Variants in TRIOBP observed in about 807,000 individuals in gnomAD.
TRIOBP encodes TRIO and F-actin binding protein.
In TRIOBP, 169 loss-of-function variants were observed where a neutral mutation model predicts 238.8. The observed-to-expected ratio is 0.71, with a 90% confidence interval of 0.62 to 0.80. The LOEUF is 0.80. TRIOBP is among the 30% of genes least tolerant of loss of function. The pLI, the probability that TRIOBP is intolerant of heterozygous loss-of-function variation, is 0.00. For synonymous variants in TRIOBP, 1,150 were observed against 1,274.4 expected (o/e 0.90, Z 2.08); for missense variants, 2,838 against 3,122.6 (o/e 0.91, Z 2.17).
intron 11 of TRIOBP, among the ~76,000 whole-genome samples, chr22:37,743,226 T>C (rs537357133): frequency 3.3e-5 from 5 of 152,318 alleles, no homozygotes; most frequent in African/African-American, 9.6e-5. Context: ...ACAGAGCAGA[T>C]TTAAACTTCT....
chr22:37,764,054 T>C (rs1237998431), intron 17 of TRIOBP, among the ~76,000 whole-genome samples: 1 of 152,226 alleles, frequency 6.6e-6, no homozygotes, highest in Non-Finnish European at 1.5e-5. Context: ...CCTTGAACTC[T>C]TCGCTTCTGC....
chr22:37,721,428 G>C (rs1569039281), intron 6 of TRIOBP, among the ~76,000 whole-genome samples: 1 of 152,212 alleles, frequency 6.6e-6, no homozygotes, highest in Non-Finnish European at 1.5e-5. Flanking sequence ...GGGATCTTAA[G>C]AAGGCGTGAA....
At chr22:37,709,020 C>T (rs1252043568) in intron 3 of TRIOBP, among the ~76,000 whole-genome samples, 9 of 152,204 alleles carry the variant, frequency 5.9e-5, no homozygotes, top group Non-Finnish European at 1.3e-4. Flanking sequence ...GTGCTGTCCC[C>T]TGGGTGGCCA....
chr22:37,710,173 C>T (rs544751293), intron 3 of TRIOBP, among the ~76,000 whole-genome samples: 3 of 152,380 alleles, frequency 2.0e-5, no homozygotes, highest in Non-Finnish European at 2.9e-5. Context: ...CAATACCAGG[C>T]CTTTATCCAC....
In TRIOBP at chr22:37,733,257, GTGGGACAGTCCCTCAGAGGAGTGGC is replaced by G. The variant is rs1235688512; in HGVS notation, c.3948-38_3948-14del. The G allele has an allele frequency of 6.8e-7, 1 of 1,468,950 alleles. No individual in the cohort carries two copies. The highest frequency in any genetic ancestry group is 2.0e-5 in the Admixed American group (1 of 50,940). 91.0% of individuals were successfully genotyped at this position (1,468,950 alleles called of 1,614,324 possible). Reference sequence around the variant, plus strand: ...GAGCAGAGGGGCTGGGGTGCTGGGAGTGGGACAGTCCCTCAGAGGAGTGGCTGCATTTGCTCATAGGAAGTCCGAG... The same window carrying G: ...GAGCAGAGGGGCTGGGGTGCTGGGAGTGCATTTGCTCATAGGAAGTCCGAG... On this transcript the variant is annotated splice_polypyrimidine_tract_variant and intron_variant, in intron 7 of 23. Transcript: ENST00000644935.
intron 2 of TRIOBP, among the ~76,000 whole-genome samples, chr22:37,700,698 G>GT (rs1325710572): frequency 1.3e-5 from 2 of 151,664 alleles, no homozygotes; most frequent in African/African-American, 2.4e-5. Flanking sequence ...GCATTTTTTT[G>GT]TTTTTTGTTT....
intron 6 of TRIOBP, among the ~76,000 whole-genome samples, chr22:37,717,398 A>G (rs529472813): frequency 6.6e-6 from 1 of 152,330 alleles, no homozygotes; most frequent in South Asian, 2.1e-4. Context: ...TGGCTGGGGC[A>G]GCCTGCTTTT....
chr22:37,744,787 G>A (rs1374898333), intron 11 of TRIOBP, among the ~76,000 whole-genome samples: 2 of 152,208 alleles, frequency 1.3e-5, no homozygotes, highest in Non-Finnish European at 2.9e-5. Context: ...GAGACTCCTG[G>A]CAGCAAATGC....
At chr22:37,747,053 G>T (rs1195015647) in intron 11 of TRIOBP, among the ~76,000 whole-genome samples, 1 of 152,214 alleles carries the variant, frequency 6.6e-6, no homozygotes, top group African/African-American at 2.4e-5. Context: ...GCGAGTCTGA[G>T]TAGGGGGCAT....
chr22:37,730,312 G>T (rs998092427), intron 7 of TRIOBP, among the ~76,000 whole-genome samples: 1 of 152,172 alleles, frequency 6.6e-6, no homozygotes, highest in African/African-American at 2.4e-5. Flanking sequence ...CCAGGTCTCT[G>T]TTGGGGTTTC....
chr22:37,732,751 G>A (rs764294116), intron 7 of TRIOBP, among the ~76,000 whole-genome samples: 175 of 152,258 alleles, frequency 1.1e-3, no homozygotes, highest in Non-Finnish European at 2.2e-3. Flanking sequence ...AATGGAACAC[G>A]GGGGCACACA....
rs1481142541 is a variant in TRIOBP at position 37,724,405 on chromosome 22, A to G, written c.1849A>G (p.Asn617Asp). ...NPRASRTSSP[N>D]RATRDNPRTS... ...CAGAGCCTCCAGAACCTCCTCTCCC[A>G]ATAGAGCCACACGAGATAACCCCAG... Residue 617 changes from asparagine to aspartate, a missense_variant, in exon 7 of 24, where the codon AAT (asparagine) becomes GAT (aspartate). Transcript: ENST00000644935. The G allele has an allele frequency of 1.3e-6, 2 of 1,505,890 alleles. No individual in the cohort carries two copies. Among genetic ancestry groups the G allele is most frequent in the South Asian group, 1.3e-5 (1 of 77,378 alleles). 93.3% of individuals were successfully genotyped at this position (1,505,890 alleles called of 1,614,324 possible). A position where few individuals can be genotyped will look rare whatever the true frequency, so the allele number is the denominator to read the frequency against.
chr22:37,762,839 TC>T (rs1286831458), intron 17 of TRIOBP, among the ~76,000 whole-genome samples: 1 of 152,124 alleles, frequency 6.6e-6, no homozygotes, highest in Non-Finnish European at 1.5e-5. Flanking sequence ...TGGGTGCCCT[TC>T]CTTCAGGGGT....
At chr22:37,718,694 T>A (rs553264827) in intron 6 of TRIOBP, among the ~76,000 whole-genome samples, 2 of 151,988 alleles carry the variant, frequency 1.3e-5, no homozygotes, top group African/African-American at 4.8e-5. Context: ...ATGACTGGGC[T>A]CCTCATAGGA....
intron 10 of TRIOBP, among the ~76,000 whole-genome samples, chr22:37,740,584 C>T (rs965922515): frequency 6.6e-6 from 1 of 152,160 alleles, no homozygotes; most frequent in Non-Finnish European, 1.5e-5. Context: ...ATGTGAAATA[C>T]TCTGAAAACA....
rs1208471514 is a variant in TRIOBP, at chr22:37,725,429, A to T, written c.2873A>T (p.His958Leu). 6.2e-7 allele frequency: 1 copy of T among 1,610,672 alleles called. No individual in the cohort carries two copies. Among genetic ancestry groups the T allele is most frequent in the East Asian group, 2.2e-5 (1 of 44,812 alleles). ...QTSSPSRPAQ[H>L]DPPQSSFGPT... ...TCCTCTCCCAGCAGGCCAGCCCAGC[A>T]TGACCCACCCCAGTCCTCCTTTGGC... The change falls in exon 7 of 24, where the codon CAT (histidine) becomes CTT (leucine). Residue 958 changes from histidine to leucine, a missense_variant. Physicochemically the swap from His to Leu is moderately conservative, Grantham distance 99. This residue lies in a region of TRIOBP where 2,096 missense variants were observed against 2,137.4 expected (regional missense o/e 0.98). Coordinates refer to ENST00000644935, the MANE Select transcript of TRIOBP (RefSeq NM_001039141.3).
intron 22 of TRIOBP, 80 bp downstream of exon 22, chr22:37,771,816 C>A: frequency 1.6e-6 from 2 of 1,265,324 alleles, no homozygotes; most frequent in Non-Finnish European, 2.3e-6. Flanking sequence ...CTGCTCTGTG[C>A]CAAGCCCTCC....
At chr22:37,737,920 T>A (rs906349994) in intron 9 of TRIOBP, among the ~76,000 whole-genome samples, 7 of 152,228 alleles carry the variant, frequency 4.6e-5, no homozygotes, top group African/African-American at 1.4e-4. Context: ...CAGTTTTGCT[T>A]CCATTTGTCC....
rs144988985 is a variant in TRIOBP at position 37,751,819 on chromosome 22, G to T, written c.5370G>T (p.Glu1790Asp). The change falls in exon 12 of 24, where the codon GAG (glutamate) becomes GAT (aspartate). Residue 1790 changes from glutamate (E) to aspartate (D), a missense_variant. Physicochemically the swap from Glu to Asp is conservative, Grantham distance 45. Coordinates refer to ENST00000644935, the MANE Select transcript of TRIOBP (RefSeq NM_001039141.3). ...AGGGATGGATGTCGATCTTGGACGA[G>T]CCTGGAGAGGTAAGAGGACTGAGGC... ...FKKGWMSILD[E>D]PGEPPSPSLT... The T allele has an allele frequency of 9.3e-6, 15 of 1,614,044 alleles. No homozygotes were observed. The Middle Eastern group carries it at 1.2e-3, about 124-fold the overall frequency.
Sources: gnomAD v4.1 joint callset for allele counts (sites outside exome capture counted in the v4.1 genomes callset) on GRCh38, gnomAD v4.1.1 for gene constraint, gnomAD v4.1.1 regional missense constraint, MANE v1.5 for transcripts, NCBI Gene and HGNC (gene_info 2026-07-23, HGNC 2026-07-21) for gene names.